GRM8: variants seen among roughly 807,000 people sequenced by gnomAD.
GRM8 encodes the protein glutamate metabotropic receptor 8, also known as metabotropic glutamate receptor 8.
Under a neutral mutation model 87.2 loss-of-function variants are expected in GRM8, and 47 were observed. The ratio of observed to expected loss-of-function variants is 0.54; its 90% CI spans 0.43 to 0.69. The LOEUF (loss-of-function observed/expected upper bound fraction) is 0.69. Among genes scored for constraint, GRM8 ranks in the 30% least tolerant of loss-of-function variants. GRM8 has a pLI of 0.00. For missense variants in GRM8, 1,019 were observed against 1,139.2 expected (o/e 0.89, Z 1.52); for synonymous variants, 396 against 404.5 (o/e 0.98, Z 0.25).
rs1471710004 is a variant in GRM8 at position 127,107,033 on chromosome 7, C to A, written c.511-321G>T. Among the ~76,000 whole-genome samples the A allele has an allele frequency of 2.0e-5, 3 of 152,164 alleles. No individual in the cohort carries two copies. In the East Asian group the frequency reaches 5.8e-4, roughly 29 times the overall value. ...GTTGATGTTGCTTTTTTAGTCTGTA[C>A]ATGATAAGCTCTGGTGCAGAAAGGA... On this transcript the variant is annotated intron_variant, in intron 2 of 10. Transcript: ENST00000339582.
At chr7:126,971,773 C>T (rs981428695) in intron 3 of GRM8, among the ~76,000 whole-genome samples, 1 of 152,104 alleles carries the variant, frequency 6.6e-6, no homozygotes, top group Non-Finnish European at 1.5e-5. Context: ...AACAGGAGCA[C>T]AGGCAGCAAT....
intron 6 of GRM8, among the ~76,000 whole-genome samples, chr7:126,899,274 T>G (rs1288104934): frequency 6.6e-6 from 1 of 152,226 alleles, no homozygotes; most frequent in Non-Finnish European, 1.5e-5. Context: ...GTGGAAAGCA[T>G]GTAAGTGCTT....
At chr7:127,014,356 G>A (rs1234136302) in intron 3 of GRM8, among the ~76,000 whole-genome samples, 1 of 152,122 alleles carries the variant, frequency 6.6e-6, no homozygotes, top group Non-Finnish European at 1.5e-5. Flanking sequence ...TCAAGGGGCT[G>A]CTTTTAGGAT....
At chr7:127,124,943 A>T (rs1827280314) in intron 2 of GRM8, among the ~76,000 whole-genome samples, 1 of 152,160 alleles carries the variant, frequency 6.6e-6, no homozygotes, top group Admixed American at 6.6e-5. Flanking sequence ...TCCATTCACA[A>T]AATAGATAAA....
chr7:126,574,150 C>G (rs1020109548), intron 8 of GRM8, among the ~76,000 whole-genome samples: 4 of 152,192 alleles, frequency 2.6e-5, no homozygotes, highest in Admixed American at 2.6e-4. Context: ...CATCACCCAC[C>G]TACCCTGGAG....
chr7:126,558,766 G>A (rs902309012), intron 8 of GRM8, among the ~76,000 whole-genome samples: 1 of 152,094 alleles, frequency 6.6e-6, no homozygotes, highest in African/African-American at 2.4e-5. Flanking sequence ...CACAGATGTG[G>A]AACCTGCAGA....
intron 7 of GRM8, among the ~76,000 whole-genome samples, chr7:126,693,853 A>T (rs754098341): frequency 2.6e-5 from 4 of 152,102 alleles, no homozygotes; most frequent in Non-Finnish European, 5.9e-5. Context: ...AAGATGAAAA[A>T]TATGTCTCAA....
intron 3 of GRM8, among the ~76,000 whole-genome samples, chr7:127,100,106 A>T (rs1266798562): frequency 6.6e-6 from 1 of 152,166 alleles, no homozygotes; most frequent in Non-Finnish European, 1.5e-5. Context: ...TTTCAGAAGC[A>T]ACCACCTTAA....
At chr7:126,792,808 G>GT (rs534004966) in intron 6 of GRM8, among the ~76,000 whole-genome samples, 3 of 152,184 alleles carry the variant, frequency 2.0e-5, no homozygotes, top group Non-Finnish European at 4.4e-5. Flanking sequence ...CTTTCTAACA[G>GT]TTTTGAACAC....
At chr7:126,889,548 C>A (rs1374274374) in intron 6 of GRM8, among the ~76,000 whole-genome samples, 1 of 152,008 alleles carries the variant, frequency 6.6e-6, no homozygotes, top group East Asian at 1.9e-4. Context: ...GTTAAAGGAA[C>A]CCAAAGGAGA....
At chr7:126,802,535 T>TAA (rs879382825) in intron 6 of GRM8, among the ~76,000 whole-genome samples, 2 of 150,966 alleles carry the variant, frequency 1.3e-5, no homozygotes, top group Non-Finnish European at 3.0e-5. Flanking sequence ...TATTCAGCCT[T>TAA]AAAAAAAAAG....
chr7:126,938,882 G>A (rs964220959), intron 3 of GRM8, among the ~76,000 whole-genome samples: 12 of 152,008 alleles, frequency 7.9e-5, no homozygotes, highest in South Asian at 2.1e-4. Flanking sequence ...CAGATGGATC[G>A]TTTATACATC....
intron 7 of GRM8, among the ~76,000 whole-genome samples, chr7:126,750,522 G>T (rs1402723548): frequency 6.6e-6 from 1 of 151,976 alleles, no homozygotes; most frequent in African/African-American, 2.4e-5. Context: ...GGGCTGGAAA[G>T]AACCTTAATG....
At position 127,024,205 on chromosome 7, in the gene GRM8, G is replaced by T. The variant is rs538054850; in HGVS notation, c.727+82291C>A. On this transcript the variant is annotated intron_variant, in intron 3 of 10. Coordinates refer to ENST00000339582, the MANE Select transcript of GRM8 (RefSeq NM_000845.3). ...TGCCACCTCTTCTACAGCATTGCTG[G>T]TGCATATTCTTATAAGGATTAAATA... 4.6e-5 allele frequency among the ~76,000 whole-genome samples: 7 copies of T among 152,172 alleles called. No individual in the cohort carries two copies. In the South Asian group the frequency reaches 1.5e-3, roughly 32 times the overall value.
At chr7:127,142,746 C>G (rs1255814808) in intron 2 of GRM8, among the ~76,000 whole-genome samples, 1 of 151,938 alleles carries the variant, frequency 6.6e-6, no homozygotes, top group Non-Finnish European at 1.5e-5. Flanking sequence ...GACGGATGGA[C>G]AGCGAGACAG....
chr7:126,753,422 A>G (rs1195540823), intron 7 of GRM8, among the ~76,000 whole-genome samples: 1 of 151,772 alleles, frequency 6.6e-6, no homozygotes, highest in Non-Finnish European at 1.5e-5. Context: ...ACACGTATAT[A>G]CGTATATATA....
intron 3 of GRM8, among the ~76,000 whole-genome samples, chr7:127,024,910 C>G (rs1816630120): frequency 1.3e-5 from 2 of 152,030 alleles, no homozygotes; most frequent in East Asian, 3.9e-4. Flanking sequence ...TACGATCTCA[C>G]CAATTCCATT....
chr7:127,124,814 C>A (rs1827274437), intron 2 of GRM8, among the ~76,000 whole-genome samples: 1 of 152,000 alleles, frequency 6.6e-6, no homozygotes, highest in Admixed American at 6.6e-5. Flanking sequence ...GGAAATCAAC[C>A]TTAGGAGTAT....
At chr7:127,042,281 T>A (rs1818497403) in intron 3 of GRM8, among the ~76,000 whole-genome samples, 1 of 152,064 alleles carries the variant, frequency 6.6e-6, no homozygotes, top group Admixed American at 6.6e-5. Flanking sequence ...TTGCAACAGG[T>A]TGGCATTTGA....
Sources: gnomAD v4.1 joint callset for allele counts (sites outside exome capture counted in the v4.1 genomes callset) on GRCh38, gnomAD v4.1.1 for gene constraint, MANE v1.5 for transcripts, NCBI Gene and HGNC (gene_info 2026-07-23, HGNC 2026-07-21) for gene names.